The following PTPRM variants were observed in gnomAD, a reference collection of about 807,000 sequenced individuals.
The protein encoded by PTPRM is receptor-type tyrosine-protein phosphatase mu.
In PTPRM, 47 loss-of-function variants were observed where a neutral mutation model predicts 186.7. The observed-to-expected ratio is 0.25, with a 90% CI of 0.20 to 0.32. PTPRM has a LOEUF of 0.32. Among genes scored for constraint, PTPRM ranks in the 10% least tolerant of loss-of-function variants. The pLI, the probability that PTPRM is intolerant of heterozygous loss-of-function variation, is 1.00. For synonymous variants in PTPRM, 668 were observed against 674.9 expected (o/e 0.99, Z 0.16); for missense variants, 1,494 against 1,865.0 (o/e 0.80, Z 3.66).
intron 1 of PTPRM, among the ~76,000 whole-genome samples, chr18:7,691,502 T>C (rs2039731981): frequency 6.6e-6 from 1 of 152,166 alleles, no homozygotes; most frequent in Admixed American, 6.5e-5. Flanking sequence ...AAATTCGGTA[T>C]TTCGGTGCCT....
At chr18:7,855,506 C>T (rs989113627) in intron 2 of PTPRM, among the ~76,000 whole-genome samples, 1 of 152,218 alleles carries the variant, frequency 6.6e-6, no homozygotes, top group Admixed American at 6.5e-5. Context: ...TGGTACCATC[C>T]TATTTGCAAA....
intron 20 of PTPRM, among the ~76,000 whole-genome samples, chr18:8,301,456 G>C (rs994628427): frequency 2.0e-5 from 3 of 152,158 alleles, no homozygotes; most frequent in Admixed American, 1.3e-4. Flanking sequence ...TAACGAGGCA[G>C]CCCCCTTGCA....
intron 4 of PTPRM, among the ~76,000 whole-genome samples, chr18:7,924,320 T>A (rs984119588): frequency 1.7e-4 from 26 of 152,224 alleles, no homozygotes; most frequent in Non-Finnish European, 3.2e-4. Context: ...GAATTTTTTT[T>A]AATGTTTCCA....
At position 7,613,789 on chromosome 18, in the gene PTPRM, C is replaced by T. The variant is rs553734450; in HGVS notation, c.73+45898C>T. ...AAAAGGTTGACCCAGTTTGATTAACCTTCTGGGGTCAGCAGATTACTTTTG... is the reference window on the plus strand; with the variant it reads ...AAAAGGTTGACCCAGTTTGATTAACTTTCTGGGGTCAGCAGATTACTTTTG... On this transcript the variant is annotated intron_variant, in intron 1 of 32. Coordinates refer to ENST00000580170, the MANE Select transcript of PTPRM (RefSeq NM_001105244.2). Among the ~76,000 whole-genome samples the T allele has an allele frequency of 4.6e-5, 7 of 152,282 alleles. No homozygotes were observed. In the South Asian group the frequency reaches 1.2e-3, roughly 27 times the overall value.
intron 9 of PTPRM, among the ~76,000 whole-genome samples, chr18:8,084,347 A>ACAT: frequency 6.6e-6 from 1 of 152,178 alleles, no homozygotes; most frequent in South Asian, 2.1e-4. Context: ...TACAGCGGTT[A>ACAT]CATCGCTGAC....
chr18:7,801,673 C>T (rs910804192), intron 2 of PTPRM, among the ~76,000 whole-genome samples: 19 of 152,158 alleles, frequency 1.2e-4, no homozygotes, highest in African/African-American at 4.3e-4. Context: ...TTACATGACT[C>T]GCAGCACGGA....
intron 7 of PTPRM, among the ~76,000 whole-genome samples, chr18:7,960,560 G>A (rs2053612077): frequency 6.6e-6 from 1 of 151,276 alleles, no homozygotes; most frequent in Admixed American, 6.6e-5. Context: ...AGGACAGCCA[G>A]GGAAACATAG....
chr18:8,357,880 G>GA (rs140101346), intron 23 of PTPRM, among the ~76,000 whole-genome samples: 54,113 of 151,610 alleles, frequency 0.36, 9,650 homozygotes, highest in Non-Finnish European at 0.37. Context: ...GAGACTAAAA[G>GA]AAACACATAC....
intron 19 of PTPRM, among the ~76,000 whole-genome samples, chr18:8,254,221 G>C (rs1335061268): frequency 6.6e-6 from 1 of 152,126 alleles, no homozygotes; most frequent in African/African-American, 2.4e-5. Context: ...CAGCTGTCAG[G>C]GACATTTCTG....
chr18:7,891,540 C>G (rs1240915383), intron 3 of PTPRM, among the ~76,000 whole-genome samples: 1 of 151,990 alleles, frequency 6.6e-6, no homozygotes, highest in Non-Finnish European at 1.5e-5. Flanking sequence ...GCCTCTGGGA[C>G]AAAACTTAGG....
chr18:7,736,502 G>T (rs2040773428), intron 1 of PTPRM, among the ~76,000 whole-genome samples: 1 of 152,050 alleles, frequency 6.6e-6, no homozygotes, highest in African/African-American at 2.4e-5. Flanking sequence ...ACACCGAGTT[G>T]TAGAAGGAAG....
At chr18:7,770,176 A>G (rs2042209330) in intron 1 of PTPRM, among the ~76,000 whole-genome samples, 1 of 152,174 alleles carries the variant, frequency 6.6e-6, no homozygotes, top group Admixed American at 6.5e-5. Context: ...TTATTCAGAA[A>G]ATCAAGAAGA....
intron 14 of PTPRM, among the ~76,000 whole-genome samples, chr18:8,145,553 A>G (rs766574846): frequency 1.3e-5 from 2 of 152,216 alleles, no homozygotes; most frequent in South Asian, 2.1e-4. Flanking sequence ...ACTCCCACAT[A>G]TGAATGAGAA....
At chr18:7,915,332 G>A (rs2050491414) in intron 4 of PTPRM, among the ~76,000 whole-genome samples, 1 of 152,102 alleles carries the variant, frequency 6.6e-6, no homozygotes, top group African/African-American at 2.4e-5. Flanking sequence ...GGAGACAAGT[G>A]GGCCTGTAAA....
intron 32 of PTPRM, among the ~76,000 whole-genome samples, chr18:8,405,330 C>T (rs1037107789): frequency 2.4e-4 from 36 of 151,998 alleles, no homozygotes; most frequent in African/African-American, 6.8e-4. Context: ...AGGATGGCCA[C>T]GTACTTTATC....
At chr18:8,293,713 A>G (rs779841400) in intron 19 of PTPRM, among the ~76,000 whole-genome samples, 1 of 152,214 alleles carries the variant, frequency 6.6e-6, no homozygotes, top group African/African-American at 2.4e-5. Flanking sequence ...GAAAAAGAGT[A>G]TCTGACTTTA....
intron 2 of PTPRM, among the ~76,000 whole-genome samples, chr18:7,874,552 A>C (rs1437967836): frequency 1.3e-5 from 2 of 151,982 alleles, no homozygotes; most frequent in Non-Finnish European, 2.9e-5. Context: ...CTAGAGGCAA[A>C]AAAAAAAGAG....
intron 2 of PTPRM, among the ~76,000 whole-genome samples, chr18:7,774,577 T>C (rs898526344): frequency 6.6e-6 from 1 of 152,198 alleles, no homozygotes; most frequent in Non-Finnish European, 1.5e-5. Flanking sequence ...TCTCTTCTGG[T>C]AAATGTGTCT....
At chr18:7,856,245 G>T (rs1383992299) in intron 2 of PTPRM, among the ~76,000 whole-genome samples, 1 of 152,028 alleles carries the variant, frequency 6.6e-6, no homozygotes, top group Non-Finnish European at 1.5e-5. Context: ...GAAAACCATA[G>T]TTACCTGTCT....
Sources: gnomAD v4.1 joint callset for allele counts (sites outside exome capture counted in the v4.1 genomes callset) on GRCh38, gnomAD v4.1.1 for gene constraint, MANE v1.5 for transcripts, NCBI Gene and HGNC (gene_info 2026-07-23, HGNC 2026-07-21) for gene names.